The following TNS1 variants were observed in gnomAD, a reference collection of about 807,000 sequenced individuals.
The protein encoded by TNS1 is tensin 1.
A neutral mutation model predicts 168.6 loss-of-function variants in TNS1; 62 were observed. The observed-to-expected ratio is 0.37, with a 90% CI of 0.30 to 0.45. The LOEUF (loss-of-function observed/expected upper bound fraction) is 0.45, where lower values mean the gene tolerates loss of function less well. TNS1 is among the 20% of genes least tolerant of loss of function. The pLI is 1.00. For synonymous variants in TNS1, 934 were observed against 933.2 expected (o/e 1.00, Z -0.02); for missense variants, 2,240 against 2,339.4 (o/e 0.96, Z 0.88).
chr2:217,879,280 A>G, intron 18 of TNS1: 1 of 347,822 alleles, frequency 2.9e-6, no homozygotes, highest in Non-Finnish European at 5.7e-6. Flanking sequence ...AGAGATGGAG[A>G]GACAGTAAAA....
chr2:217,879,781 G>T (rs543899289), intron 18 of TNS1, among the ~76,000 whole-genome samples: 1 of 152,214 alleles, frequency 6.6e-6, no homozygotes, highest in Non-Finnish European at 1.5e-5. Context: ...AGACAGCGCC[G>T]TGTAGAGGAA....
At chr2:217,808,975 G>A (rs2125071496) in intron 30 of TNS1, among the ~76,000 whole-genome samples, 1 of 152,332 alleles carries the variant, frequency 6.6e-6, no homozygotes, top group Middle Eastern at 3.4e-3. Flanking sequence ...ACACTGTTAG[G>A]AGAGAGTCCA....
intron 4 of TNS1, among the ~76,000 whole-genome samples, chr2:217,909,537 C>A (rs1292034598): frequency 6.6e-6 from 1 of 151,550 alleles, no homozygotes; most frequent in Non-Finnish European, 1.5e-5. Context: ...ATAGCACCAC[C>A]TAGAGGGCTG....
In TNS1 at chr2:218,027,169, A is replaced by G. The variant is rs1439819996; in HGVS notation, c.156+6651T>C. 2.0e-5 allele frequency among the ~76,000 whole-genome samples: 3 copies of G among 152,116 alleles called. No homozygotes were observed. The East Asian group carries it at 5.8e-4, about 29-fold the overall frequency. ...GCCCAGCCATGTGAGGACACCCACC[A>G]GCTGCTCCAGTCACCCTACACCCCC... is the stretch of plus-strand genomic sequence containing the variant. On this transcript the variant is annotated intron_variant, in intron 1 of 1. Coordinates refer to the TNS1 transcript ENST00000649572.
chr2:217,990,073 C>T (rs1422436639), intron 2 of TNS1, among the ~76,000 whole-genome samples: 2 of 148,578 alleles, frequency 1.3e-5, no homozygotes, highest in African/African-American at 5.0e-5. Flanking sequence ...ATCCACACGC[C>T]ATCCACACAC....
chr2:217,817,167 A>G (rs1357459582), intron 24 of TNS1, among the ~76,000 whole-genome samples: 2 of 152,160 alleles, frequency 1.3e-5, no homozygotes, highest in African/African-American at 2.4e-5. Flanking sequence ...CATGATAAAG[A>G]CAACTCCAGT....
chr2:217,897,427 C>A (rs1952431380), intron 8 of TNS1, among the ~76,000 whole-genome samples: 1 of 152,224 alleles, frequency 6.6e-6, no homozygotes, highest in South Asian at 2.1e-4. Flanking sequence ...TGTGCTCTGG[C>A]AAGTGCCTGC....
chr2:217,868,296 G>A (rs1949465705), intron 18 of TNS1, among the ~76,000 whole-genome samples: 1 of 152,242 alleles, frequency 6.6e-6, no homozygotes, highest in Non-Finnish European at 1.5e-5. Context: ...ATAGCCTGCA[G>A]CCTGGTGGTT....
intron 1 of TNS1, among the ~76,000 whole-genome samples, chr2:217,999,688 G>A (rs568581730): frequency 2.6e-5 from 4 of 152,358 alleles, no homozygotes; most frequent in African/African-American, 9.6e-5. Context: ...CAGGACCAAA[G>A]AGTCAGATTG....
chr2:217,917,534 A>G (rs1955163463), intron 4 of TNS1, among the ~76,000 whole-genome samples: 1 of 152,108 alleles, frequency 6.6e-6, no homozygotes, highest in Non-Finnish European at 1.5e-5. Flanking sequence ...CACTTCAATA[A>G]AAATTTGAGG....
Position 217,830,541 on chromosome 2 carries a change from G to A in TNS1, c.3373+914C>T, listed in dbSNP as rs182238937. 1,765 of 934,358 alleles carry A rather than the reference G, an allele frequency of 1.9e-3. 5 individuals are homozygous for A. The highest frequency in any genetic ancestry group is 2.3e-3 in the Non-Finnish European group (1,413 of 620,224). The allele number at this position is 934,358 out of a possible 1,614,324, so 57.9% of individuals were successfully genotyped here. ...TCCACCATAAGAAGGAGAGGAGCTG[G>A]GAAATGGGAGGAGGAGGTAGGAGGT... On this transcript the variant is annotated intron_variant, in intron 22 of 32. Transcript: ENST00000682258.
chr2:217,951,780 C>T (rs951626504), intron 3 of TNS1, among the ~76,000 whole-genome samples: 1 of 152,230 alleles, frequency 6.6e-6, no homozygotes, highest in African/African-American at 2.4e-5. Flanking sequence ...CACACACACA[C>T]AGCCACGCAA....
chr2:217,848,781 T>A lies in TNS1; in HGVS notation c.1736A>T (p.Gln579Leu). The A allele has an allele frequency of 6.2e-7, 1 of 1,614,156 alleles. No homozygotes were observed. The highest frequency in any genetic ancestry group is 8.5e-7 in the Non-Finnish European group (1 of 1,180,020). ...LSGFGLEREKQGAMYHTQHLR... is the reference protein window; with the variant it reads ...LSGFGLEREKLGAMYHTQHLR... ...GTGCTGGGTGTGGTACATGGCGCCT[T>A]GCTTCTCTCGCTCTAAGCCAAAGCC... Residue 579 changes from glutamine to leucine, a missense_variant, in exon 19 of 33, where the codon CAA becomes CTA. Physicochemically the swap from Gln to Leu is moderately radical, Grantham distance 113. Coordinates refer to ENST00000682258, the MANE Select transcript of TNS1 (RefSeq NM_001387777.1).
intron 24 of TNS1, chr2:217,815,246 G>A (rs1338395139): frequency 4.2e-6 from 2 of 481,072 alleles, no homozygotes; most frequent in Admixed American, 3.2e-5. Context: ...CATGGAAGGT[G>A]CAGGCAGAGA....
chr2:217,980,649 C>G lies in TNS1; in HGVS notation c.149-1847G>C, dbSNP rs182865465. 3.3e-3 allele frequency among the ~76,000 whole-genome samples: 499 copies of G among 152,218 alleles called. 6 individuals are homozygous for G. Among genetic ancestry groups the G allele is most frequent in the African/African-American group, 0.011 (455 of 41,508 alleles). On this transcript the variant is annotated intron_variant, in intron 2 of 32. Transcript: ENST00000682258. ...GCACCCCAATTTAGTCATGTCCCCC[C>G]GACTCTCAGATCGTTCCTGAGCTGT...
intron 18 of TNS1, chr2:217,850,154 A>AGCAG: frequency 1.0e-6 from 1 of 985,388 alleles, no homozygotes; most frequent in Non-Finnish European, 1.2e-6. Flanking sequence ...GCAGGATCAC[A>AGCAG]GCAGGTCTGC....
At chr2:217,912,349 G>A (rs564788756) in intron 4 of TNS1, among the ~76,000 whole-genome samples, 12 of 152,354 alleles carry the variant, frequency 7.9e-5, no homozygotes, top group South Asian at 4.1e-4. Context: ...CTCAGCCTCC[G>A]GAGGAACATT....
At chr2:217,964,986 G>T (rs1450346730) in intron 3 of TNS1, among the ~76,000 whole-genome samples, 2 of 152,350 alleles carry the variant, frequency 1.3e-5, no homozygotes, top group African/African-American at 4.8e-5. Context: ...GGGAGCAGGG[G>T]TGTCAAAGAT....
intron 3 of TNS1, among the ~76,000 whole-genome samples, chr2:217,951,307 C>A (rs1957234815): frequency 6.6e-6 from 1 of 152,170 alleles, no homozygotes; most frequent in Admixed American, 6.5e-5. Context: ...GCCGTCACCA[C>A]CCCCATCCCA....
Sources: allele counts gnomAD v4.1 joint callset (sites outside exome capture counted in the v4.1 genomes callset), GRCh38; gene constraint gnomAD v4.1.1; transcripts MANE v1.5; gene names NCBI Gene and HGNC (gene_info 2026-07-23, HGNC 2026-07-21).